The following CRYBB2 variants were observed in gnomAD, a reference collection of about 807,000 sequenced individuals.
CRYBB2 encodes beta-crystallin B2.
A neutral mutation model predicts 24.3 loss-of-function variants in CRYBB2; 12 were observed. That is an observed-to-expected ratio of 0.49 (90% CI 0.32 to 0.80). The LOEUF is 0.80. Among genes scored for constraint, CRYBB2 ranks in the 30% least tolerant of loss-of-function variants. The pLI is 0.04. For synonymous variants in CRYBB2, 98 were observed against 101.6 expected (o/e 0.96, Z 0.21); for missense variants, 198 against 268.5 (o/e 0.74, Z 1.83).
chr22:25,231,743 C>T lies in CRYBB2; in HGVS notation c.589C>T (p.Gln197Ter). The T allele has an allele frequency of 6.2e-7, 1 of 1,614,138 alleles. No individual in the cohort carries two copies. Among genetic ancestry groups the T allele is most frequent in the Non-Finnish European group, 8.5e-7 (1 of 1,180,020 alleles). ...CCGTATCCGCGACATGCAGTGGCAC[C>T]AACGTGGTGCCTTCCACCCCTCCAA... is the stretch of plus-strand genomic sequence containing the variant. ...VRRIRDMQWH[Q>*]RGAFHPSN is the part of the protein sequence containing the mutation. Residue 197 changes from glutamine (Q) to a stop codon, truncating the protein, a stop_gained, in exon 6 of 6, where the codon CAA becomes TAA. Coordinates refer to ENST00000398215, the MANE Select transcript of CRYBB2 (RefSeq NM_000496.3). LOFTEE classifies it high-confidence loss of function.
chr22:25,218,777 GAGAAGA>G (rs1292457694), upstream of CRYBB2, among the ~76,000 whole-genome samples: 27 of 26,072 alleles, frequency 1.0e-3, no homozygotes, highest in East Asian at 1.5e-3. Context: ...GAGAGAGAGA[GAGAAGA>G]AAGAAAGAAA....
intron 2 of CRYBB2, among the ~76,000 whole-genome samples, chr22:25,222,117 C>T (rs1044493019): frequency 6.6e-5 from 10 of 152,210 alleles, no homozygotes; most frequent in Non-Finnish European, 1.5e-4. Context: ...TCTATCTAGG[C>T]ACGGCCACCT....
chr22:25,231,321 C>CCAGTA (rs11277566), intron 5 of CRYBB2, among the ~76,000 whole-genome samples: 117 of 149,532 alleles, frequency 7.8e-4, no homozygotes, highest in Middle Eastern at 3.4e-3. Flanking sequence ...TGCTCTGACC[C>CCAGTA]CAGTACAGTA....
chr22:25,222,144 C>CT (rs1935332525), intron 2 of CRYBB2, among the ~76,000 whole-genome samples: 1 of 152,208 alleles, frequency 6.6e-6, no homozygotes, highest in Non-Finnish European at 1.5e-5. Context: ...CCTCCTGTGC[C>CT]TCCCTGCTTT....
In CRYBB2 at chr22:25,221,331, G is replaced by A. The variant is rs945063028; in HGVS notation, c.-26-73G>A. ...GAATGTTTGGGGCCAGAGGGGAGTG[G>A]TCTCAAGGCCCCACAGAGTGAAAAA... On this transcript the variant is annotated intron_variant, in intron 1 of 5. Transcript: ENST00000398215. 5.5e-6 allele frequency: 5 copies of A among 901,300 alleles called. No homozygotes were observed. The African/African-American group carries it at 6.5e-5, about 12-fold the overall frequency. 55.8% of individuals were successfully genotyped at this position (901,300 alleles called of 1,614,324 possible).
intron 3 of CRYBB2, 24 bp from the exon 4 acceptor site, chr22:25,227,829 C>T (rs754670288): frequency 1.2e-6 from 2 of 1,613,940 alleles, no homozygotes; most frequent in East Asian, 2.2e-5. Context: ...TGACCTGCCC[C>T]CTTTCTCTCT....
At chr22:25,216,172 GA>G (rs1935167170), upstream of CRYBB2, among the ~76,000 whole-genome samples, 1 of 152,166 alleles carries the variant, frequency 6.6e-6, no homozygotes, top group Non-Finnish European at 1.5e-5. Flanking sequence ...AATATTAACT[GA>G]GGTCTATTAT....
At chr22:25,217,570 G>A (rs1490102689), upstream of CRYBB2, among the ~76,000 whole-genome samples, 3 of 152,188 alleles carry the variant, frequency 2.0e-5, no homozygotes, top group East Asian at 5.9e-4. Context: ...GCCTGGCTTG[G>A]CTTCCCAAAG....
chr22:25,219,125 C>A (rs561238468), upstream of CRYBB2, among the ~76,000 whole-genome samples: 24 of 152,174 alleles, frequency 1.6e-4, no homozygotes, highest in Non-Finnish European at 3.5e-4. Context: ...GGATGCGCTA[C>A]CTCCCAGGAG....
chr22:25,212,260 G>A (rs143830200), upstream of CRYBB2, among the ~76,000 whole-genome samples: 531 of 152,280 alleles, frequency 3.5e-3, 5 homozygotes, highest in African/African-American at 0.012. Flanking sequence ...CAATAATGGG[G>A]GTTTATTCTA....
chr22:25,226,168 CTGTGTGTGTGTGTGTGTG>C (rs3064285), intron 3 of CRYBB2, among the ~76,000 whole-genome samples: 4 of 149,044 alleles, frequency 2.7e-5, no homozygotes, highest in Non-Finnish European at 5.9e-5. Flanking sequence ...TTGGATTTCT[CTGTGTGTGTGTGTGTGTG>C]TGTGTGTGTG....
upstream of CRYBB2, among the ~76,000 whole-genome samples, chr22:25,218,808 A>AAGAAAG (rs1265796435): frequency 7.6e-6 from 1 of 131,002 alleles, no homozygotes. Context: ...GAAAGAAAGA[A>AAGAAAG]AGAAAGAAAG....
At chr22:25,217,325 T>A (rs572681315), upstream of CRYBB2, among the ~76,000 whole-genome samples, 3 of 152,208 alleles carry the variant, frequency 2.0e-5, no homozygotes, top group East Asian at 5.8e-4. Context: ...TTTATTTATT[T>A]ATTTTCTTTG....
chr22:25,218,151 A>G (rs369102161), upstream of CRYBB2, among the ~76,000 whole-genome samples: 8 of 151,814 alleles, frequency 5.3e-5, no homozygotes, highest in Admixed American at 1.3e-4. Flanking sequence ...CCCAGCTACT[A>G]GGGAGGCTGA....
chr22:25,219,031 A>G (rs376678197), upstream of CRYBB2, among the ~76,000 whole-genome samples: 8 of 152,082 alleles, frequency 5.3e-5, no homozygotes, highest in East Asian at 7.8e-4. Context: ...GAAATACACC[A>G]TGCTGGTTCC....
At chr22:25,214,934 G>A (rs1601413450), upstream of CRYBB2, among the ~76,000 whole-genome samples, 1 of 152,208 alleles carries the variant, frequency 6.6e-6, no homozygotes, top group African/African-American at 2.4e-5. Flanking sequence ...CATCTCCCTA[G>A]CATGTTTTAC....
At chr22:25,226,093 G>T (rs1037401449) in intron 3 of CRYBB2, among the ~76,000 whole-genome samples, 14 of 151,260 alleles carry the variant, frequency 9.3e-5, no homozygotes, top group African/African-American at 3.4e-4. Flanking sequence ...ATGGTTTAAG[G>T]CAAAAAACCG....
chr22:25,218,656 A>T (rs924475055), upstream of CRYBB2, among the ~76,000 whole-genome samples: 13 of 146,652 alleles, frequency 8.9e-5, no homozygotes, highest in Non-Finnish European at 1.8e-4. Flanking sequence ...ACAGAGTGAG[A>T]TTCCATCTCA....
At chr22:25,229,413 T>G (rs1442694756) in intron 4 of CRYBB2, 23 bp from the exon 5 acceptor site, 14 of 1,591,950 alleles carry the variant, frequency 8.8e-6, no homozygotes, top group Non-Finnish European at 1.2e-5. Context: ...CCATACTCAC[T>G]TCCCCCCATC....
Sources: allele counts gnomAD v4.1 joint callset (sites outside exome capture counted in the v4.1 genomes callset), GRCh38; gene constraint gnomAD v4.1.1; transcripts MANE v1.5; gene names NCBI Gene and HGNC (gene_info 2026-07-23, HGNC 2026-07-21).